The following FTCDNL1 variants were observed in gnomAD, a reference collection of about 807,000 sequenced individuals.
The protein encoded by FTCDNL1 is formiminotransferase N-terminal subdomain-containing protein.
Under a neutral mutation model 5.9 loss-of-function variants are expected in FTCDNL1, and 11 were observed. The ratio of observed to expected loss-of-function variants is 1.87; its 90% CI spans 1.18 to 3.10. The LOEUF (loss-of-function observed/expected upper bound fraction) is 3.10. Ranked by LOEUF, FTCDNL1 falls within the 30% of genes most tolerant of loss-of-function variation. The pLI is 0.00. For missense variants in FTCDNL1, 115 were observed against 65.5 expected, an observed-to-expected ratio of 1.76 and a Z score of -2.61; for synonymous variants, 58 against 24.8, an observed-to-expected ratio of 2.34 and a Z score of -3.99.
chr2:199,721,903 C>T, the FTCDNL1 span, among the ~76,000 whole-genome samples: 2 of 151,978 alleles, frequency 1.3e-5, no homozygotes, highest in Non-Finnish European at 2.9e-5. Context: ...TATATATGTT[C>T]GTTGGCTGCA....
chr2:199,731,360 T>TA, the FTCDNL1 span, among the ~76,000 whole-genome samples: 2 of 149,060 alleles, frequency 1.3e-5, no homozygotes, highest in Non-Finnish European at 3.0e-5. Context: ...TAAAGGAAAA[T>TA]AAAAAAATGT....
intron 3 of FTCDNL1, among the ~76,000 whole-genome samples, chr2:199,841,372 C>T (rs774607291): frequency 5.4e-4 from 82 of 152,014 alleles, no homozygotes; most frequent in Non-Finnish European, 8.5e-4. Flanking sequence ...GGTGACACAG[C>T]GAGACTCTGT....
At chr2:199,773,306 G>A (rs1698902975) in intron 3 of FTCDNL1, among the ~76,000 whole-genome samples, 1 of 152,030 alleles carries the variant, frequency 6.6e-6, no homozygotes, top group African/African-American at 2.4e-5. Flanking sequence ...TTGGGCCTAG[G>A]CTTGGACTCC....
At chr2:199,726,415 A>C in the FTCDNL1 span, among the ~76,000 whole-genome samples, 1 of 152,190 alleles carries the variant, frequency 6.6e-6, no homozygotes, top group Non-Finnish European at 1.5e-5. Context: ...GCCTCAGCCC[A>C]GTTCTGTGCC....
In FTCDNL1 at chr2:199,826,445, C is replaced by A. The variant is rs971989032; in HGVS notation, c.212-6688G>T. ...AATGGAAAAGAAAGAAAAAAAAAAA[C>A]CTTTCTCTAAATCACCAATTCCTTA... is the stretch of plus-strand genomic sequence containing the variant. On this transcript the variant is annotated intron_variant, in intron 3 of 4. Coordinates refer to ENST00000420128, the MANE Select transcript of FTCDNL1 (RefSeq NM_001363886.2). 1.5e-4 allele frequency among the ~76,000 whole-genome samples: 21 copies of A among 141,820 alleles called. No homozygotes were observed. In the East Asian group the frequency reaches 2.3e-3, roughly 16 times the overall value. The allele number at this position is 141,820 out of a possible 152,430, so 93.0% of individuals were successfully genotyped here. A position where few individuals can be genotyped will look rare whatever the true frequency, so the allele number is the denominator to read the frequency against.
At chr2:199,675,171 T>G in the FTCDNL1 span, among the ~76,000 whole-genome samples, 2 of 152,218 alleles carry the variant, frequency 1.3e-5, no homozygotes, top group Non-Finnish European at 2.9e-5. Flanking sequence ...TCTACCAGTT[T>G]CTTCCACATT....
the FTCDNL1 span, among the ~76,000 whole-genome samples, chr2:199,674,951 C>T: frequency 2.0e-5 from 3 of 152,124 alleles, no homozygotes; most frequent in Middle Eastern, 3.2e-3. Context: ...CTTTTAATTG[C>T]ATTAAAGTTT....
downstream of FTCDNL1, among the ~76,000 whole-genome samples, chr2:199,757,797 T>G (rs1023257732): frequency 6.6e-6 from 1 of 152,184 alleles, no homozygotes; most frequent in East Asian, 1.9e-4. Flanking sequence ...CAGATGGGCA[T>G]TAAATTTTCT....
At chr2:199,697,592 T>C in the FTCDNL1 span, among the ~76,000 whole-genome samples, 937 of 152,316 alleles carry the variant, frequency 6.2e-3, 5 homozygotes, top group Middle Eastern at 0.01. Flanking sequence ...AGGGAATTCA[T>C]TACCACCAGA....
intron 3 of FTCDNL1, among the ~76,000 whole-genome samples, chr2:199,767,273 T>C (rs1698581964): frequency 6.6e-6 from 1 of 152,206 alleles, no homozygotes; most frequent in Non-Finnish European, 1.5e-5. Flanking sequence ...TTTCAGGTAG[T>C]CTGAGAACTC....
the FTCDNL1 span, among the ~76,000 whole-genome samples, chr2:199,683,533 T>A: frequency 1.3e-5 from 2 of 151,524 alleles, no homozygotes; most frequent in Non-Finnish European, 2.9e-5. Flanking sequence ...TAATCCCAGC[T>A]GACTGAGATT....
At chr2:199,824,622 C>T (rs1701905679) in intron 3 of FTCDNL1, among the ~76,000 whole-genome samples, 1 of 152,148 alleles carries the variant, frequency 6.6e-6, no homozygotes, top group Admixed American at 6.5e-5. Context: ...GAGACTATTC[C>T]TTTCACTTGA....
the FTCDNL1 span, among the ~76,000 whole-genome samples, chr2:199,750,451 A>G: frequency 6.6e-6 from 1 of 152,200 alleles, no homozygotes; most frequent in Admixed American, 6.5e-5. Context: ...TATTCCTAAT[A>G]TCCAACACAC....
the FTCDNL1 span, among the ~76,000 whole-genome samples, chr2:199,713,794 G>A: frequency 6.6e-6 from 1 of 152,120 alleles, no homozygotes; most frequent in East Asian, 1.9e-4. Context: ...TGAACAATAT[G>A]CCTTTCTTCT....
chr2:199,765,096 T>A (rs1271976193), intron 3 of FTCDNL1, among the ~76,000 whole-genome samples: 1 of 151,890 alleles, frequency 6.6e-6, no homozygotes, highest in African/African-American at 2.4e-5. Context: ...AAAAATAACA[T>A]GAGGAGGAAT....
intron 3 of FTCDNL1, among the ~76,000 whole-genome samples, chr2:199,782,988 A>T (rs1409814174): frequency 2.6e-5 from 4 of 152,222 alleles, no homozygotes; most frequent in Non-Finnish European, 5.9e-5. Context: ...GTATAAAATA[A>T]GCAACCCTCT....
At chr2:199,842,583 C>G (rs543061860) in intron 3 of FTCDNL1, among the ~76,000 whole-genome samples, 1 of 152,226 alleles carries the variant, frequency 6.6e-6, no homozygotes, top group Non-Finnish European at 1.5e-5. Flanking sequence ...TATAAATCCT[C>G]TGAATACCAA....
the FTCDNL1 span, among the ~76,000 whole-genome samples, chr2:199,742,915 G>T: frequency 2.0e-5 from 3 of 152,254 alleles, no homozygotes; most frequent in Admixed American, 6.5e-5. Flanking sequence ...ACTACAAATG[G>T]GTCTCGCAAA....
chr2:199,804,600 A>C (rs924585366), downstream of FTCDNL1, among the ~76,000 whole-genome samples: 4 of 152,178 alleles, frequency 2.6e-5, no homozygotes, highest in Non-Finnish European at 5.9e-5. Flanking sequence ...TCCAAAAGGA[A>C]ACTGCGAATT....
Sources: allele counts gnomAD v4.1 joint callset (sites outside exome capture counted in the v4.1 genomes callset), GRCh38; gene constraint gnomAD v4.1.1; transcripts MANE v1.5; gene names NCBI Gene and HGNC (gene_info 2026-07-23, HGNC 2026-07-21).